KCP: variants seen among roughly 807,000 people sequenced by gnomAD.
KCP encodes the protein kielin cysteine rich BMP regulator, also known as kielin/chordin-like protein.
In KCP, 194 loss-of-function variants were observed where a neutral mutation model predicts 212.7. That is an observed-to-expected ratio of 0.91 (90% confidence interval 0.81 to 1.03). KCP has a LOEUF of 1.03. KCP is among the 50% of genes least tolerant of loss of function. KCP has a pLI of 0.00. For missense variants in KCP, 2,080 were observed against 2,162.5 expected (o/e 0.96, Z 0.76); for synonymous variants, 833 against 865.3 (o/e 0.96, Z 0.65).
chr7:128,893,828 C>T lies in KCP; in HGVS notation c.1077G>A (p.Gly359=), dbSNP rs1476600526. 7 of 1,551,064 alleles carry T rather than the reference C, an allele frequency of 4.5e-6. No individual in the cohort carries two copies. The highest frequency in any genetic ancestry group is 2.0e-5 in the Admixed American group (1 of 51,002). Residue 359 remains glycine, a synonymous_variant, in exon 11 of 40, where the codon GGG becomes GGA. Coordinates refer to ENST00000610776, the MANE Select transcript of KCP (RefSeq NM_001366122.1). ...CACCATCGCAGACAGGGCAGCACTG[C>T]CCAGGGATCTTGCCTGGGTGTCTGC... ...VPCRHPGKIP[G]QCCPVCDGCE... is the part of the protein sequence containing the mutation.
intron 33 of KCP, 24 bp from the exon 34 acceptor site, chr7:128,880,552 G>A: frequency 1.4e-6 from 2 of 1,398,260 alleles, no homozygotes; most frequent in East Asian, 2.7e-5. Context: ...AGCTGGGAGG[G>A]TCAGCTGCTC....
Position 128,877,290 on chromosome 7 carries a change from C to T in KCP, c.4640G>A (p.Arg1547His), listed in dbSNP as rs149314913. 139 of 1,512,694 alleles carry T rather than the reference C, an allele frequency of 9.2e-5. No homozygotes were observed. The Middle Eastern group carries it at 1.7e-3, about 19-fold the overall frequency. The allele number at this position is 1,512,694 out of a possible 1,614,324, so 93.7% of individuals were successfully genotyped here. ...TLCVVGCPLE[R>H]GFVFDECGPP... ...GCCGCACTCATCAAACACGAAGCCA[C>T]GCTCCAGGGGGCAGCCTACCACTGC... The change falls in exon 40 of 40, where the codon CGT becomes CAT. Residue 1547 changes from arginine to histidine, a missense_variant. Transcript: ENST00000610776.
chr7:128,883,697 C>T (rs1274262875), intron 29 of KCP, among the ~76,000 whole-genome samples: 1 of 152,210 alleles, frequency 6.6e-6, no homozygotes, highest in Non-Finnish European at 1.5e-5. Flanking sequence ...AAAAGCTCGC[C>T]CACCCCTGTG....
rs1794937365 is a variant in KCP, at chr7:128,902,928, C to T, written c.749-69G>A. On this transcript the variant is annotated intron_variant, in intron 7 of 39. Coordinates refer to ENST00000610776, the MANE Select transcript of KCP (RefSeq NM_001366122.1). ...GCCTGGACCCCAGCCTCAGCCTGCC[C>T]GCCTTCCTTGTCCACATGCCCTCTG... The T allele has an allele frequency of 2.0e-5, 25 of 1,221,576 alleles. No homozygotes were observed. In the South Asian group the frequency reaches 2.8e-4, roughly 14 times the overall value. 75.7% of individuals were successfully genotyped at this position (1,221,576 alleles called of 1,614,324 possible).
chr7:128,887,702 T>TAC (rs1316805434), intron 22 of KCP, among the ~76,000 whole-genome samples: 3 of 121,100 alleles, frequency 2.5e-5, no homozygotes, highest in East Asian at 5.6e-4. Context: ...TATACCCATA[T>TAC]ACACACACAG....
intron 30 of KCP, 94 bp downstream of exon 30, chr7:128,881,843 A>G: frequency 7.2e-7 from 1 of 1,385,178 alleles, no homozygotes; most frequent in Non-Finnish European, 1.0e-6. Context: ...GCGAATGGAG[A>G]GCCCTGGAGC....
chr7:128,898,338 G>C (rs900672236), intron 8 of KCP, among the ~76,000 whole-genome samples: 1 of 152,154 alleles, frequency 6.6e-6, no homozygotes, highest in Admixed American at 6.5e-5. Flanking sequence ...TTACAGGTGT[G>C]AACCACAGCA....
chr7:128,892,636 G>C (rs367642424), intron 15 of KCP, 29 bp from the exon 16 acceptor site: 7 of 1,550,782 alleles, frequency 4.5e-6, no homozygotes, highest in Non-Finnish European at 6.1e-6. Flanking sequence ...GAGAGCAATC[G>C]GGGCATGCCC....
chr7:128,886,953 C>G lies in KCP; in HGVS notation c.2612G>C (p.Arg871Pro). Residue 871 changes from arginine to proline, a missense_variant, in exon 24 of 40, where the codon CGC becomes CCC. By Grantham distance (103) the Arg-to-Pro change is moderately radical. Transcript: ENST00000610776. The stretch of plus-strand genomic sequence containing the variant: ...TGGGGGACATGGCTTCTTCTGGCAG[C>G]GCATGGAACCTTCCTGGGGGAGAGA... ...SLCTCQEGSM[R>P]CQKKPCPPAL... is the part of the protein sequence containing the mutation. 6.6e-7 allele frequency: 1 copy of G among 1,516,950 alleles called. No individual in the cohort carries two copies. The highest frequency in any genetic ancestry group is 8.9e-7 in the Non-Finnish European group (1 of 1,120,060). 94.0% of individuals were successfully genotyped at this position (1,516,950 alleles called of 1,614,324 possible).
chr7:128,884,184 C>T (rs1049715531), intron 28 of KCP, 62 bp from the exon 29 acceptor site: 16 of 1,494,800 alleles, frequency 1.1e-5, no homozygotes, highest in South Asian at 1.3e-5. Context: ...TGCCCTTGGC[C>T]GGGACTTCCG....
chr7:128,887,844 TAC>T (rs1160405303), intron 22 of KCP, among the ~76,000 whole-genome samples: 1,174 of 80,308 alleles, frequency 0.015, 25 homozygotes, highest in African/African-American at 0.064. Context: ...CACACACACA[TAC>T]ACACATACCC....
At chr7:128,890,777 C>G in intron 20 of KCP, 128 bp downstream of exon 20, 1 of 932,412 alleles carries the variant, frequency 1.1e-6, no homozygotes, top group Non-Finnish European at 1.5e-6. Context: ...TGACCGGACA[C>G]TACATTCCTA....
In KCP at chr7:128,891,274, C is replaced by T. The variant is rs868386017; in HGVS notation, c.1883G>A (p.Gly628Asp). ...GCGGCGGGCCAGGCACTGCACGTTG[C>T]CGCTCTACGGACCGACAGACGCACC... Reference protein sequence around the residue: ...DPCRLCRCLSGNVQCLARRCV... With the variant: ...DPCRLCRCLSDNVQCLARRCV... The change falls in exon 19 of 40, where the codon GGC (glycine) becomes GAC (aspartate). Residue 628 changes from glycine (G) to aspartate (D), a missense_variant. Coordinates refer to ENST00000610776, the MANE Select transcript of KCP (RefSeq NM_001366122.1). 2 of 1,547,212 alleles carry T rather than the reference C, an allele frequency of 1.3e-6. No individual in the cohort carries two copies. Among genetic ancestry groups the T allele is most frequent in the Admixed American group, 3.9e-5 (2 of 50,982 alleles).
chr7:128,894,337 C>T (rs368099692), intron 8 of KCP, 44 bp from the exon 9 acceptor site: 9 of 1,414,152 alleles, frequency 6.4e-6, no homozygotes, highest in Non-Finnish European at 8.6e-6. Flanking sequence ...CAGGGCTCAA[C>T]TGAGAGGTGG....
At chr7:128,894,368 C>T (rs1461000813) in intron 8 of KCP, 75 bp from the exon 9 acceptor site, 2 of 1,175,778 alleles carry the variant, frequency 1.7e-6, no homozygotes, top group East Asian at 2.6e-5. Context: ...AGAATCCCAG[C>T]TATCCACTTA....
At position 128,893,035 on chromosome 7, in the gene KCP, G is replaced by A. The variant is rs1794274403; in HGVS notation, c.1268-14C>T. On this transcript the variant is annotated splice_polypyrimidine_tract_variant and intron_variant, in intron 13 of 39. Transcript: ENST00000610776. ...CCAGCTCACAGGCTGTAGTAAGGGG[G>A]CTGTCACATGGCAGCCTACACACCT... 1.1e-6 allele frequency: 1 copy of A among 886,074 alleles called. No homozygotes were observed. The highest frequency in any genetic ancestry group is 2.0e-5 in the Admixed American group (1 of 50,182). The allele number at this position is 886,074 out of a possible 1,614,324, so 54.9% of individuals were successfully genotyped here.
At position 128,891,627 on chromosome 7, in the gene KCP, C is replaced by A; in HGVS notation, c.1795+19G>T. ...ATGCCATCCCATCCCAGAAGGCCGC[C>A]CTGACCCGCCCACCTCACCGCTGCA... On this transcript the variant is annotated intron_variant, in intron 17 of 39. Coordinates refer to ENST00000610776, the MANE Select transcript of KCP (RefSeq NM_001366122.1). 1 of 1,484,104 alleles carries A rather than the reference C, an allele frequency of 6.7e-7. No individual in the cohort carries two copies. Among genetic ancestry groups the A allele is most frequent in the Non-Finnish European group, 9.0e-7 (1 of 1,114,432 alleles). 91.9% of individuals were successfully genotyped at this position (1,484,104 alleles called of 1,614,324 possible).
Position 128,893,310 on chromosome 7 carries a change from C to A in KCP, c.1195G>T (p.Val399Phe), listed in dbSNP as rs1794296292. ...CVRCSCQAGEVSCEEQECPVT... is the reference protein window; with the variant it reads ...CVRCSCQAGEFSCEEQECPVT... ...GGGCACTCCTGCTCCTCACAGGAGA[C>A]CTCGCCAGCCTAGGAGGGAAGCAGG... The change falls in exon 13 of 40, where the codon GTC becomes TTC. Residue 399 changes from valine (V) to phenylalanine (F), a missense_variant. By Grantham distance (50) the Val-to-Phe change is conservative (BLOSUM62 -1). Transcript: ENST00000610776. 6.4e-7 allele frequency: 1 copy of A among 1,551,528 alleles called. No homozygotes were observed. The highest frequency in any genetic ancestry group is 8.7e-7 in the Non-Finnish European group (1 of 1,146,916).
At chr7:128,898,845 G>A (rs1339563545) in intron 8 of KCP, among the ~76,000 whole-genome samples, 1 of 152,178 alleles carries the variant, frequency 6.6e-6, no homozygotes, top group Non-Finnish European at 1.5e-5. Flanking sequence ...CAGTTTTTCT[G>A]TAAATTGAGC....
Sources: allele counts gnomAD v4.1 joint callset (sites outside exome capture counted in the v4.1 genomes callset), GRCh38; gene constraint gnomAD v4.1.1; transcripts MANE v1.5; gene names NCBI Gene and HGNC (gene_info 2026-07-23, HGNC 2026-07-21).